ATP2B2: variants seen among roughly 807,000 people sequenced by gnomAD.
The protein encoded by ATP2B2 is plasma membrane calcium-transporting ATPase 2.
A neutral mutation model predicts 120.0 loss-of-function variants in ATP2B2; 15 were observed. That is an observed-to-expected ratio of 0.12 (90% CI 0.08 to 0.19). The LOEUF (loss-of-function observed/expected upper bound fraction) is 0.19. Ranked by LOEUF, ATP2B2 falls within the 10% of genes least tolerant of loss-of-function variation. The pLI is 1.00. For missense variants in ATP2B2, 1,045 were observed against 1,719.8 expected, an observed-to-expected ratio of 0.61 and a Z score of 6.94; for synonymous variants, 694 against 700.3, an observed-to-expected ratio of 0.99 and a Z score of 0.14.
intron 14 of ATP2B2, among the ~76,000 whole-genome samples, chr3:10,354,987 C>T (rs996658853): frequency 2.6e-5 from 4 of 152,192 alleles, no homozygotes; most frequent in Admixed American, 2.0e-4. Flanking sequence ...TAAGCACACA[C>T]GTTCCCTGAA....
At chr3:10,341,437 A>G (rs2060272868) in intron 19 of ATP2B2, among the ~76,000 whole-genome samples, 2 of 152,200 alleles carry the variant, frequency 1.3e-5, no homozygotes, top group African/African-American at 4.8e-5. Context: ...TAGCCTCTCA[A>G]GTAGCTGGGA....
intron 3 of ATP2B2, among the ~76,000 whole-genome samples, chr3:10,515,363 T>C (rs1275889355): frequency 1.3e-5 from 2 of 152,234 alleles, no homozygotes; most frequent in East Asian, 1.9e-4. Flanking sequence ...TTTTAATTCA[T>C]AGACAATCTG....
At chr3:10,463,159 C>T (rs1284961394) in intron 1 of ATP2B2, among the ~76,000 whole-genome samples, 1 of 152,166 alleles carries the variant, frequency 6.6e-6, no homozygotes. Context: ...GCCAGCCCGT[C>T]GCGTGTGGCT....
At chr3:10,430,916 G>T (rs2063295703) in intron 2 of ATP2B2, among the ~76,000 whole-genome samples, 1 of 151,740 alleles carries the variant, frequency 6.6e-6, no homozygotes, top group African/African-American at 2.4e-5. Context: ...GACAGCTCCA[G>T]GTTCTAACAG....
chr3:10,664,041 T>C (rs1002988216), intron 1 of ATP2B2, among the ~76,000 whole-genome samples: 1 of 152,100 alleles, frequency 6.6e-6, no homozygotes, highest in Non-Finnish European at 1.5e-5. Flanking sequence ...TGACTGCTCA[T>C]GTCCACCCCA....
At chr3:10,477,143 G>A (rs2065234613) in intron 1 of ATP2B2, among the ~76,000 whole-genome samples, 1 of 152,166 alleles carries the variant, frequency 6.6e-6, no homozygotes, top group Non-Finnish European at 1.5e-5. Flanking sequence ...TGTCCTGCCT[G>A]GCCTCTCCTG....
intron 2 of ATP2B2, among the ~76,000 whole-genome samples, chr3:10,432,338 T>C (rs911232013): frequency 1.3e-5 from 2 of 152,234 alleles, no homozygotes; most frequent in Non-Finnish European, 2.9e-5. Flanking sequence ...GCCTCCCACA[T>C]TGAGGCTGCA....
intron 2 of ATP2B2, among the ~76,000 whole-genome samples, chr3:10,555,136 A>G (rs148703335): frequency 1.3e-5 from 2 of 152,364 alleles, no homozygotes; most frequent in East Asian, 1.9e-4. Context: ...GAAAATGGGA[A>G]TAGCACCTTC....
intron 2 of ATP2B2, among the ~76,000 whole-genome samples, chr3:10,565,241 CT>C (rs1422789162): frequency 6.6e-6 from 1 of 152,138 alleles, no homozygotes; most frequent in Non-Finnish European, 1.5e-5. Flanking sequence ...GTTTTCTACC[CT>C]GCTATTTGGA....
intron 14 of ATP2B2, among the ~76,000 whole-genome samples, chr3:10,354,813 G>A (rs2060668042): frequency 6.6e-6 from 1 of 152,250 alleles, no homozygotes; most frequent in Non-Finnish European, 1.5e-5. Flanking sequence ...GGACCCTAGA[G>A]ATGGCCCGGG....
intron 2 of ATP2B2, among the ~76,000 whole-genome samples, chr3:10,550,940 C>T (rs1211306505): frequency 1.3e-5 from 2 of 151,996 alleles, no homozygotes; most frequent in East Asian, 3.8e-4. Flanking sequence ...ACGGCCCGGC[C>T]TGCTGTTCCT....
chr3:10,440,077 G>C (rs2063610223), intron 2 of ATP2B2, among the ~76,000 whole-genome samples: 1 of 136,910 alleles, frequency 7.3e-6, no homozygotes, highest in Non-Finnish European at 1.5e-5. Flanking sequence ...ACTCCAGCCT[G>C]GGCAACAGAG....
intron 2 of ATP2B2, among the ~76,000 whole-genome samples, chr3:10,538,239 A>C (rs1307893884): frequency 6.6e-6 from 1 of 152,170 alleles, no homozygotes; most frequent in Non-Finnish European, 1.5e-5. Context: ...CACTTGGTAA[A>C]ATTCTGCAGT....
intron 1 of ATP2B2, among the ~76,000 whole-genome samples, chr3:10,703,429 G>C (rs1045898477): frequency 6.6e-6 from 1 of 151,848 alleles, no homozygotes; most frequent in Non-Finnish European, 1.5e-5. Context: ...CTCCAACTTT[G>C]CTTCTATTCT....
intron 1 of ATP2B2, among the ~76,000 whole-genome samples, chr3:10,691,022 G>C (rs894415952): frequency 6.6e-6 from 1 of 152,212 alleles, no homozygotes; most frequent in African/African-American, 2.4e-5. Flanking sequence ...TGTGTGGAAG[G>C]CACTTTCCAA....
At chr3:10,650,213 C>T (rs145081817) in intron 1 of ATP2B2, among the ~76,000 whole-genome samples, 56 of 152,308 alleles carry the variant, frequency 3.7e-4, no homozygotes, top group Middle Eastern at 3.4e-3. Context: ...TAAACAATAA[C>T]GTCCAGACTG....
At chr3:10,407,129 C>A (rs1411719278) in intron 3 of ATP2B2, among the ~76,000 whole-genome samples, 2 of 152,158 alleles carry the variant, frequency 1.3e-5, no homozygotes, top group Non-Finnish European at 1.5e-5. Flanking sequence ...GGCCACAACT[C>A]TGGGTGAGTC....
intron 3 of ATP2B2, among the ~76,000 whole-genome samples, chr3:10,524,066 G>A (rs1212073680): frequency 6.6e-6 from 1 of 152,210 alleles, no homozygotes. Context: ...CCCATCCAGA[G>A]TTGGCTGGAG....
intron 14 of ATP2B2, among the ~76,000 whole-genome samples, chr3:10,351,095 T>C (rs961477646): frequency 4.6e-5 from 7 of 152,198 alleles, no homozygotes; most frequent in Non-Finnish European, 8.8e-5. Context: ...AGAATATGTA[T>C]AAAGGATTAT....
Sources: allele counts gnomAD v4.1 joint callset (sites outside exome capture counted in the v4.1 genomes callset), GRCh38; gene constraint gnomAD v4.1.1; transcripts MANE v1.5; gene names NCBI Gene and HGNC (gene_info 2026-07-23, HGNC 2026-07-21).